Variants in KMT2C observed in about 807,000 individuals in gnomAD.
KMT2C encodes histone-lysine N-methyltransferase 2C.
Under a neutral mutation model 507.9 loss-of-function variants are expected in KMT2C, and 88 were observed. The ratio of observed to expected loss-of-function variants is 0.17; its 90% CI spans 0.15 to 0.21. The LOEUF is 0.21. Ranked by LOEUF, KMT2C falls within the 10% of genes least tolerant of loss-of-function variation. The pLI is 1.00. For missense variants in KMT2C, 4,954 were observed against 5,957.8 expected (o/e 0.83, Z 5.55); for synonymous variants, 2,049 against 2,080.8 (o/e 0.98, Z 0.42).
intron 23 of KMT2C, among the ~76,000 whole-genome samples, chr7:152,213,251 T>G (rs1270557257): frequency 1.3e-5 from 2 of 152,072 alleles, no homozygotes; most frequent in African/African-American, 2.4e-5. Flanking sequence ...AGACCCTGAA[T>G]AGCCAAAAGA....
At chr7:152,176,133 A>G (rs2129112415) in intron 38 of KMT2C, 58 bp downstream of exon 38, 2 of 1,416,534 alleles carry the variant, frequency 1.4e-6, no homozygotes, top group Non-Finnish European at 1.9e-6. Flanking sequence ...TTATAAGCAT[A>G]TCGCATGCCA....
rs189172605 is a variant in KMT2C at position 152,148,973 on chromosome 7, G to A, written c.12954C>T (p.Val4318=). 2.3e-5 allele frequency: 37 copies of A among 1,584,602 alleles called. No individual in the cohort carries two copies. Among genetic ancestry groups the A allele is most frequent in the Admixed American group, 3.6e-5 (2 of 56,296 alleles). The change falls in exon 52 of 59, where the codon GTC becomes GTT. Residue 4318 remains valine (V), a synonymous_variant. Coordinates refer to ENST00000262189, the MANE Select transcript of KMT2C (RefSeq NM_170606.3). This position sits in a 1 kb window ranked among gnomAD's most constrained non-coding sequence, Gnocchi z 7.1. ...CCTTCAGCTCATCTGGCTTGGCCTC[G>A]ACTTGGGCTGCTTCAAAAGCAGGAG... is the stretch of plus-strand genomic sequence containing the variant. The part of the protein sequence containing the change: ...AFPPAFEAAQ[V]EAKPDELKVT...
At chr7:152,409,409 G>A (rs200597412) in intron 1 of KMT2C, among the ~76,000 whole-genome samples, 1 of 137,574 alleles carries the variant, frequency 7.3e-6, no homozygotes, top group Admixed American at 7.4e-5. Context: ...ATTTTCAGAA[G>A]AAATATGTTA....
intron 4 of KMT2C, among the ~76,000 whole-genome samples, chr7:152,314,600 T>C (rs1050749039): frequency 3.3e-5 from 5 of 151,798 alleles, no homozygotes; most frequent in African/African-American, 9.7e-5. Context: ...GAGGGAAGAA[T>C]GTATAGGACA....
intron 1 of KMT2C, among the ~76,000 whole-genome samples, chr7:152,421,950 G>GGAAC (rs201518568): frequency 2.0e-5 from 3 of 150,000 alleles, no homozygotes; most frequent in Non-Finnish European, 2.9e-5. Context: ...TTTAAAATAT[G>GGAAC]GAATGAATGT....
chr7:152,426,188 C>T (rs997093623), intron 1 of KMT2C, among the ~76,000 whole-genome samples: 1 of 150,824 alleles, frequency 6.6e-6, no homozygotes, highest in African/African-American at 2.4e-5. Flanking sequence ...TGCCACCCCA[C>T]TATCCCCGCC....
Position 152,167,207 on chromosome 7 carries a change from T to A in KMT2C, c.9689A>T (p.Asp3230Val). Residue 3230 changes from aspartate (D) to valine (V), a missense_variant, in exon 42 of 59, where the codon GAT (aspartate) becomes GTT (valine). Transcript: ENST00000262189. ...AGTAACATGCTTGAGTTGTTCTGCA[T>A]CTTCCTCTGGAAATTCACGCCCAGC... ...KKAGREFPEEDAEQLKHVTEQ... is the reference protein window; with the variant it reads ...KKAGREFPEEVAEQLKHVTEQ... The A allele has an allele frequency of 6.2e-7, 1 of 1,614,168 alleles. No homozygotes were observed.
At chr7:152,375,929 T>G (rs1379858125) in intron 1 of KMT2C, among the ~76,000 whole-genome samples, 1 of 152,114 alleles carries the variant, frequency 6.6e-6, no homozygotes, top group Non-Finnish European at 1.5e-5. Context: ...CGGACTCAAG[T>G]GCTCAGCCTC....
chr7:152,299,983 AT>A (rs1202995915), intron 6 of KMT2C, among the ~76,000 whole-genome samples: 1 of 152,118 alleles, frequency 6.6e-6, no homozygotes, highest in Non-Finnish European at 1.5e-5. Context: ...TAAACACAAC[AT>A]TTTTCTACTA....
At chr7:152,292,821 T>C (rs2096449884) in intron 6 of KMT2C, among the ~76,000 whole-genome samples, 1 of 152,188 alleles carries the variant, frequency 6.6e-6, no homozygotes. Context: ...TGGATTTTTT[T>C]GAACTGAGTA....
intron 23 of KMT2C, among the ~76,000 whole-genome samples, chr7:152,212,358 T>C (rs1391169431): frequency 6.6e-6 from 1 of 152,244 alleles, no homozygotes; most frequent in Admixed American, 6.5e-5. Flanking sequence ...TTTTCTTCAA[T>C]ATCTGCTACA....
chr7:152,345,842 A>T (rs2097053507), intron 2 of KMT2C, among the ~76,000 whole-genome samples: 1 of 152,178 alleles, frequency 6.6e-6, no homozygotes. Flanking sequence ...TTTTAAAAAG[A>T]AAACCCAAGT....
chr7:152,164,142 TA>T (rs1364334564), intron 42 of KMT2C, among the ~76,000 whole-genome samples: 3 of 152,116 alleles, frequency 2.0e-5, no homozygotes, highest in African/African-American at 4.8e-5. Context: ...ATACTATACA[TA>T]AAAAATATAC....
chr7:152,401,574 C>A (rs1439675982), intron 1 of KMT2C, among the ~76,000 whole-genome samples: 1 of 152,008 alleles, frequency 6.6e-6, no homozygotes, highest in South Asian at 2.1e-4. Context: ...ACCTGTAGTC[C>A]CAGCTACTTG....
chr7:152,181,245 A>T lies in KMT2C; in HGVS notation c.6615T>A (p.His2205Gln). Residue 2205 changes from histidine to glutamine, a missense_variant, in exon 36 of 59, where the codon CAT becomes CAA. By Grantham distance (24) the His-to-Gln change is conservative (BLOSUM62 0). Coordinates refer to ENST00000262189, the MANE Select transcript of KMT2C (RefSeq NM_170606.3). ...TTCCAGGTCTTGGTGTTCCAGGAGGATGAGCATATGGATCAGAATGCCTCT... is the reference window on the plus strand; with the variant it reads ...TTCCAGGTCTTGGTGTTCCAGGAGGTTGAGCATATGGATCAGAATGCCTCT... ...TNQRHSDPYA[H>Q]PPGTPRPGIS... is the part of the protein sequence containing the mutation. 1 of 1,613,974 alleles carries T rather than the reference A, an allele frequency of 6.2e-7. No homozygotes were observed. The highest frequency in any genetic ancestry group is 1.1e-5 in the South Asian group (1 of 91,050).
At chr7:152,281,668 G>A (rs1442282444) in intron 6 of KMT2C, among the ~76,000 whole-genome samples, 51 of 152,036 alleles carry the variant, frequency 3.4e-4, no homozygotes, top group Non-Finnish European at 2.5e-4. Context: ...GGAGGTAGAG[G>A]TTGCAGTGAG....
intron 1 of KMT2C, chr7:152,368,434 G>C: frequency 3.5e-6 from 4 of 1,157,160 alleles, no homozygotes; most frequent in Non-Finnish European, 5.1e-6. Context: ...GCAGGTGTTA[G>C]AGATGAAGGT....
rs1753913781 is a variant in KMT2C, at chr7:152,138,143, G to A, written c.14643+653C>T. On this transcript the variant is annotated intron_variant, in intron 58 of 58. Transcript: ENST00000262189. The surrounding 1 kb of genome is among the most constrained non-coding windows in gnomAD (Gnocchi z 4.2). ...GAACCAAGGTACCTGAATCACAGTG[G>A]GAAAGACCAAGGTGGGAAGCAAATG... 6.6e-6 allele frequency: 1 copy of A among 152,388 alleles called. No individual in the cohort carries two copies. Among genetic ancestry groups the A allele is most frequent in the South Asian group, 2.1e-4 (1 of 4,830 alleles). 9.4% of individuals were successfully genotyped at this position (152,388 alleles called of 1,614,324 possible).
chr7:152,150,795 A>G, intron 51 of KMT2C, 105 bp downstream of exon 51: 1 of 780,106 alleles, frequency 1.3e-6, no homozygotes, highest in Non-Finnish European at 2.2e-6. Context: ...TTCCCCACAC[A>G]GAGCTCCATG....
Sources: allele counts gnomAD v4.1 joint callset (sites outside exome capture counted in the v4.1 genomes callset), GRCh38; gene constraint gnomAD v4.1.1; non-coding constraint Gnocchi (gnomAD v3.1); transcripts MANE v1.5; gene names NCBI Gene and HGNC (gene_info 2026-07-23, HGNC 2026-07-21).